The following MED27 variants were observed in gnomAD, a reference collection of about 807,000 sequenced individuals.
MED27 encodes the protein mediator of RNA polymerase II transcription subunit 27.
In MED27, 30 loss-of-function variants were observed where a neutral mutation model predicts 38.2. That is an observed-to-expected ratio of 0.79 (90% CI 0.59 to 1.07). The LOEUF (loss-of-function observed/expected upper bound fraction) is 1.07. Among genes scored for constraint, MED27 ranks in the 50% least tolerant of loss-of-function variants. The pLI, the probability that MED27 is intolerant of heterozygous loss-of-function variation, is 0.00. For synonymous variants in MED27, 122 were observed against 153.5 expected, an observed-to-expected ratio of 0.79 and a Z score of 1.52; for missense variants, 289 against 397.5, an observed-to-expected ratio of 0.73 and a Z score of 2.32.
chr9:132,073,903 C>A (rs755008835), intron 2 of MED27, among the ~76,000 whole-genome samples: 2 of 152,014 alleles, frequency 1.3e-5, no homozygotes, highest in Non-Finnish European at 2.9e-5. Context: ...CTTTTCCAGG[C>A]AAATATACAA....
intron 3 of MED27, among the ~76,000 whole-genome samples, chr9:131,958,299 CA>C (rs1463815182): frequency 1.3e-5 from 2 of 150,556 alleles, no homozygotes; most frequent in Non-Finnish European, 2.9e-5. Flanking sequence ...GGCTGGAGTG[CA>C]ATGGCGCGAT....
rs145580859 is a variant in MED27 at position 131,896,002 on chromosome 9, G to A, written c.574-2010C>T. On this transcript the variant is annotated intron_variant, in intron 4 of 7. Coordinates refer to ENST00000292035, the MANE Select transcript of MED27 (RefSeq NM_004269.4). Reference sequence around the variant, plus strand: ...CAACGTCCATCTCCCAGGTTCAAGCGATTCTCCTGCCTCGGCCTCCCGAGT... The same window carrying A: ...CAACGTCCATCTCCCAGGTTCAAGCAATTCTCCTGCCTCGGCCTCCCGAGT... Among the ~76,000 whole-genome samples, 693 of 152,088 alleles carry A rather than the reference G, an allele frequency of 4.6e-3. 3 individuals are homozygous for A. The highest frequency in any genetic ancestry group is 0.016 in the African/African-American group (646 of 41,470).
chr9:131,911,033 G>A (rs767576867), intron 4 of MED27, among the ~76,000 whole-genome samples: 9 of 151,866 alleles, frequency 5.9e-5, no homozygotes, highest in Non-Finnish European at 1.2e-4. Context: ...ACCATGAGAG[G>A]CTAAATAAAC....
intron 3 of MED27, among the ~76,000 whole-genome samples, chr9:131,981,427 C>A (rs1361704176): frequency 1.3e-5 from 2 of 152,154 alleles, no homozygotes; most frequent in African/African-American, 2.4e-5. Flanking sequence ...AGAAGTCAAA[C>A]ACATAAGAAA....
chr9:131,931,141 A>T (rs999557144), intron 4 of MED27, among the ~76,000 whole-genome samples: 1 of 152,112 alleles, frequency 6.6e-6, no homozygotes, highest in Non-Finnish European at 1.5e-5. Context: ...GCTACTCGGG[A>T]GGCTGAGGAG....
At chr9:131,870,553 G>A (rs1439962554) in intron 6 of MED27, among the ~76,000 whole-genome samples, 1 of 152,208 alleles carries the variant, frequency 6.6e-6, no homozygotes, top group Non-Finnish European at 1.5e-5. Context: ...AGGTGGCACA[G>A]CAGGAGTTTG....
chr9:132,078,979 A>G (rs1477735795), intron 1 of MED27, among the ~76,000 whole-genome samples: 1 of 152,226 alleles, frequency 6.6e-6, no homozygotes, highest in Non-Finnish European at 1.5e-5. Flanking sequence ...TAACCCTAAA[A>G]GACTACAAAT....
chr9:131,902,677 T>C (rs1038820215), intron 4 of MED27, among the ~76,000 whole-genome samples: 3 of 152,250 alleles, frequency 2.0e-5, no homozygotes, highest in Non-Finnish European at 4.4e-5. Flanking sequence ...CAATGTAATA[T>C]AATGTGATAC....
chr9:132,053,462 G>A (rs933487594), intron 2 of MED27, among the ~76,000 whole-genome samples: 13 of 151,758 alleles, frequency 8.6e-5, no homozygotes, highest in Non-Finnish European at 1.5e-4. Context: ...AAAAAAAAAA[G>A]GAAAAGGAAA....
intron 3 of MED27, among the ~76,000 whole-genome samples, chr9:131,985,439 T>C (rs1027811746): frequency 2.6e-5 from 4 of 152,216 alleles, no homozygotes; most frequent in African/African-American, 7.2e-5. Context: ...TAACAGTGTT[T>C]TGGTGAGACC....
Position 131,917,858 on chromosome 9 carries a change from G to C in MED27, c.573+21523C>G, listed in dbSNP as rs542313273. ...CCAGCATTTATCACTGACTAAAACTGAATTAGACAGCCTTAAAAAAATAAA... is the reference window on the plus strand; with the variant it reads ...CCAGCATTTATCACTGACTAAAACTCAATTAGACAGCCTTAAAAAAATAAA... On this transcript the variant is annotated intron_variant, in intron 4 of 7. Coordinates refer to ENST00000292035, the MANE Select transcript of MED27 (RefSeq NM_004269.4). This position sits in a 1 kb window ranked among gnomAD's most constrained non-coding sequence, Gnocchi z 4.6. 9.2e-5 allele frequency among the ~76,000 whole-genome samples: 14 copies of C among 152,208 alleles called. No homozygotes were observed. The South Asian group carries it at 2.3e-3, about 25-fold the overall frequency.
chr9:131,956,637 T>C (rs934786928), intron 3 of MED27, among the ~76,000 whole-genome samples: 1 of 149,608 alleles, frequency 6.7e-6, no homozygotes, highest in African/African-American at 2.5e-5. Context: ...AAAAAGTGAA[T>C]GTACTTAATG....
rs138615367 is a variant in MED27 at position 132,061,638 on chromosome 9, G to C, written c.348+15804C>G. ...TCATTTTACAGATCAGGAAACAGGA[G>C]TGAGCTGAACAACGTCACCAGTTAC... On this transcript the variant is annotated intron_variant, in intron 2 of 7. Coordinates refer to ENST00000292035, the MANE Select transcript of MED27 (RefSeq NM_004269.4). 1.5e-3 allele frequency among the ~76,000 whole-genome samples: 226 copies of C among 152,324 alleles called. 1 individual carries two copies. The highest frequency in any genetic ancestry group is 5.3e-3 in the African/African-American group (220 of 41,584).
At chr9:131,991,481 C>G (rs975116245) in intron 3 of MED27, among the ~76,000 whole-genome samples, 1 of 152,202 alleles carries the variant, frequency 6.6e-6, no homozygotes, top group Non-Finnish European at 1.5e-5. Flanking sequence ...ATCACTGTAA[C>G]AGGCAAATCT....
In MED27 at chr9:131,880,100, G is replaced by C. The variant is rs1257219419; in HGVS notation, c.723+3958C>G. ...CCACTGAGATGAACACGACGAAATA[G>C]GCACGCCAGTCACCGCCCTGGGATG... is the stretch of plus-strand genomic sequence containing the variant. On this transcript the variant is annotated intron_variant, in intron 6 of 7. Coordinates refer to ENST00000292035, the MANE Select transcript of MED27 (RefSeq NM_004269.4). Among the ~76,000 whole-genome samples the C allele has an allele frequency of 2.0e-5, 3 of 152,324 alleles. No homozygotes were observed. The East Asian group carries it at 5.8e-4, about 29-fold the overall frequency.
At chr9:131,885,252 G>A (rs1839118278) in intron 5 of MED27, among the ~76,000 whole-genome samples, 1 of 152,222 alleles carries the variant, frequency 6.6e-6, no homozygotes, top group Non-Finnish European at 1.5e-5. Flanking sequence ...TCCAGATGGG[G>A]AAACAATAGC....
At chr9:132,010,953 G>A (rs1004156411) in intron 3 of MED27, among the ~76,000 whole-genome samples, 1 of 152,140 alleles carries the variant, frequency 6.6e-6, no homozygotes, top group Non-Finnish European at 1.5e-5. Flanking sequence ...AATGGGTGCA[G>A]CACACCAACA....
chr9:131,970,319 A>C (rs1831448225), intron 3 of MED27, among the ~76,000 whole-genome samples: 1 of 152,266 alleles, frequency 6.6e-6, no homozygotes, highest in African/African-American at 2.4e-5. Context: ...AGGGCCTGGC[A>C]GGGCCACCAG....
At chr9:131,910,644 C>T (rs923832253) in intron 4 of MED27, among the ~76,000 whole-genome samples, 2 of 152,160 alleles carry the variant, frequency 1.3e-5, no homozygotes, top group African/African-American at 2.4e-5. Context: ...GTGCAGATGT[C>T]CTGCTATGCA....
Sources: allele counts gnomAD v4.1 joint callset (sites outside exome capture counted in the v4.1 genomes callset), GRCh38; gene constraint gnomAD v4.1.1; non-coding constraint Gnocchi (gnomAD v3.1); transcripts MANE v1.5; gene names NCBI Gene and HGNC (gene_info 2026-07-23, HGNC 2026-07-21).